The following SS18L1 variants were observed in gnomAD, a reference collection of about 807,000 sequenced individuals.
SS18L1 encodes SS18L1 subunit of BAF chromatin remodeling complex.
In SS18L1, 32 loss-of-function variants were observed where a neutral mutation model predicts 70.3. The observed-to-expected ratio is 0.46, with a 90% CI of 0.34 to 0.61. The LOEUF is 0.61. Among genes scored for constraint, SS18L1 ranks in the 20% least tolerant of loss-of-function variants. The pLI, the probability that SS18L1 is intolerant of heterozygous loss-of-function variation, is 0.01. For missense variants in SS18L1, 430 were observed against 542.1 expected (o/e 0.79, Z 2.05); for synonymous variants, 237 against 229.7 (o/e 1.03, Z -0.29).
intron 1 of SS18L1, among the ~76,000 whole-genome samples, chr20:62,148,792 C>T (rs1185506776): frequency 6.6e-6 from 1 of 152,256 alleles, no homozygotes; most frequent in Non-Finnish European, 1.5e-5. Flanking sequence ...GCTGGATGCT[C>T]CTGAAGCTGC....
At chr20:62,167,630 G>C (rs564060118) in intron 8 of SS18L1, among the ~76,000 whole-genome samples, 1 of 152,136 alleles carries the variant, frequency 6.6e-6, no homozygotes, top group Admixed American at 6.5e-5. Flanking sequence ...TGGTGCCTCC[G>C]TAAGCCCTGG....
At chr20:62,154,722 T>G (rs1420102324) in intron 1 of SS18L1, among the ~76,000 whole-genome samples, 1 of 152,222 alleles carries the variant, frequency 6.6e-6, no homozygotes, top group Non-Finnish European at 1.5e-5. Context: ...CCTGGTCTTT[T>G]TTGGCAAACT....
At position 62,158,616 on chromosome 20, in the gene SS18L1, C is replaced by T. The variant is rs6062094; in HGVS notation, c.70-56C>T. ...TAGATGTGTAGCGATGGCTGTTCAT[C>T]CCGAGGGTCAGCGACAGCCCCGCGT... On this transcript the variant is annotated intron_variant, in intron 1 of 10. Coordinates refer to ENST00000331758, the MANE Select transcript of SS18L1 (RefSeq NM_198935.3). The surrounding 1 kb of genome is among the most constrained non-coding windows in gnomAD (Gnocchi z 4.5). 108,772 of 1,593,342 alleles carry T rather than the reference C, an allele frequency of 0.068. 4,861 individuals carry two copies. Among genetic ancestry groups the T allele is most frequent in the South Asian group, 0.18 (16,101 of 89,884 alleles).
intron 3 of SS18L1, among the ~76,000 whole-genome samples, chr20:62,160,499 C>T (rs111356017): frequency 7.2e-5 from 11 of 152,132 alleles, no homozygotes; most frequent in African/African-American, 2.2e-4. Context: ...TGGGTGAGAA[C>T]GGAACTTAAA....
chr20:62,155,243 A>G (rs891082102), intron 1 of SS18L1, among the ~76,000 whole-genome samples: 22 of 152,174 alleles, frequency 1.4e-4, no homozygotes, highest in African/African-American at 5.3e-4. Flanking sequence ...TCTACCAACA[A>G]CAACAACAAA....
chr20:62,171,264 C>T (rs6062106), intron 8 of SS18L1, among the ~76,000 whole-genome samples: 23,904 of 152,066 alleles, frequency 0.16, 2,131 homozygotes, highest in South Asian at 0.25. Flanking sequence ...AATATGCAGG[C>T]TGACCCCCAA....
In SS18L1 at chr20:62,161,059, G is replaced by A. The variant is rs888126215; in HGVS notation, c.232-377G>A. Among the ~76,000 whole-genome samples the A allele has an allele frequency of 6.6e-6, 1 of 151,920 alleles. No homozygotes were observed. The highest frequency in any genetic ancestry group is 1.5e-5 in the Non-Finnish European group (1 of 67,986). On this transcript the variant is annotated intron_variant, in intron 3 of 10. Coordinates refer to ENST00000331758, the MANE Select transcript of SS18L1 (RefSeq NM_198935.3). The surrounding 1 kb of genome is among the most constrained non-coding windows in gnomAD (Gnocchi z 4.4). ...CTGCCGAAGCTCTTGGCACGGAGGG[G>A]TCGTGGTTGGGGAGCACAGAGGCGC...
rs1365124639 is a variant in SS18L1 at position 62,158,117 on chromosome 20, G to A, written c.70-555G>A. Among the ~76,000 whole-genome samples, 2 of 152,144 alleles carry A rather than the reference G, an allele frequency of 1.3e-5. No homozygotes were observed. The highest frequency in any genetic ancestry group is 2.9e-5 in the Non-Finnish European group (2 of 68,034). On this transcript the variant is annotated intron_variant, in intron 1 of 10. Coordinates refer to ENST00000331758, the MANE Select transcript of SS18L1 (RefSeq NM_198935.3). This position sits in a 1 kb window ranked among gnomAD's most constrained non-coding sequence, Gnocchi z 4.5. ...GGGGCACCAGGGCCTCTTGTGGGGTGCCCACAGGGTCCTGACATCCTTGCC... is the reference window on the plus strand; with the variant it reads ...GGGGCACCAGGGCCTCTTGTGGGGTACCCACAGGGTCCTGACATCCTTGCC...
intron 7 of SS18L1, 103 bp from the exon 8 acceptor site, chr20:62,165,319 C>T (rs2057407316): frequency 1.7e-6 from 2 of 1,173,874 alleles, no homozygotes; most frequent in East Asian, 2.6e-5. Flanking sequence ...CTTGTTGCCT[C>T]CCTGGCCAGA....
chr20:62,179,730 G>GGGGGCCCCCCC lies in SS18L1; in HGVS notation c.*522_*523insGGGGCCCCCCC. 1 of 96,714 alleles carries GGGGGCCCCCCC rather than the reference G, an allele frequency of 1.0e-5. No individual in the cohort carries two copies. Among genetic ancestry groups the GGGGGCCCCCCC allele is most frequent in the Non-Finnish European group, 2.0e-5 (1 of 48,824 alleles). 6.0% of individuals were successfully genotyped at this position (96,714 alleles called of 1,614,324 possible). ...GTGCCTCGATGGGGTGGGTGGGAGG[G>GGGGGCCCCCCC]CATCTTCTGTGCGTTGGGTCAGTTT... On this transcript the variant is annotated 3_prime_UTR_variant, in exon 11 of 11. Transcript: ENST00000331758.
chr20:62,168,276 G>C (rs2057470640), intron 8 of SS18L1, among the ~76,000 whole-genome samples: 1 of 152,148 alleles, frequency 6.6e-6, no homozygotes, highest in African/African-American at 2.4e-5. Context: ...CCATCTGTTT[G>C]TTAGACTCTG....
intron 1 of SS18L1, among the ~76,000 whole-genome samples, chr20:62,156,212 T>C (rs1243044120): frequency 6.6e-6 from 1 of 152,128 alleles, no homozygotes; most frequent in Admixed American, 6.5e-5. Flanking sequence ...CTAGTTCGTG[T>C]CCCTGGAGAC....
At position 62,162,803 on chromosome 20, in the gene SS18L1, C is replaced by T; in HGVS notation, c.428C>T (p.Thr143Ile). Residue 143 changes from threonine to isoleucine, a missense_variant, in exon 5 of 11, where the codon ACC becomes ATC. Coordinates refer to ENST00000331758, the MANE Select transcript of SS18L1 (RefSeq NM_198935.3). ...ACGGCGCCTAACACGCTGCCCACCA[C>T]CTCCATGAGCATCTCTGGGCCCGGC... ...QQTAPNTLPT[T>I]SMSISGPGYS... The T allele has an allele frequency of 6.2e-7, 1 of 1,612,880 alleles. No homozygotes were observed. Among genetic ancestry groups the T allele is most frequent in the Non-Finnish European group, 8.5e-7 (1 of 1,179,954 alleles).
At position 62,161,693 on chromosome 20, in the gene SS18L1, C is replaced by T. The variant is rs2057333379; in HGVS notation, c.376+113C>T. ...ACCCCTCACAGGGCTGGGCATGGGA[C>T]CCACTCCTCCTGGGGTAGCCACAGG... On this transcript the variant is annotated intron_variant, in intron 4 of 10. Coordinates refer to ENST00000331758, the MANE Select transcript of SS18L1 (RefSeq NM_198935.3). The surrounding 1 kb of genome is among the most constrained non-coding windows in gnomAD (Gnocchi z 4.4). 1 of 1,424,620 alleles carries T rather than the reference C, an allele frequency of 7.0e-7. No individual in the cohort carries two copies. The highest frequency in any genetic ancestry group is 1.4e-5 in the African/African-American group (1 of 69,774). The allele number at this position is 1,424,620 out of a possible 1,614,324, so 88.2% of individuals were successfully genotyped here. A position where few individuals can be genotyped will look rare whatever the true frequency, so the allele number is the denominator to read the frequency against.
In SS18L1 at chr20:62,181,882, AG is replaced by A; in HGVS notation, c.*2676del. 1 of 228,218 alleles carries A rather than the reference AG, an allele frequency of 4.4e-6. No homozygotes were observed. Among genetic ancestry groups the A allele is most frequent in the East Asian group, 6.3e-5 (1 of 15,868 alleles). The allele number at this position is 228,218 out of a possible 1,614,324, so 14.1% of individuals were successfully genotyped here. ...CTATGGAAGGCCAGTGAAGAAGCAA[AG>A]GAAGACATGAAAATTGACGCTCATT... On this transcript the variant is annotated 3_prime_UTR_variant, in exon 11 of 11. Transcript: ENST00000331758.
chr20:62,172,664 G>A lies in SS18L1; in HGVS notation c.917-18G>A, dbSNP rs768692292. The A allele has an allele frequency of 1.9e-6, 3 of 1,613,992 alleles. No homozygotes were observed. The Admixed American group carries it at 5.0e-5, about 27-fold the overall frequency. On this transcript the variant is annotated intron_variant, in intron 8 of 10. Transcript: ENST00000331758. ...CCCAGGTGGGGAAAGTCATTTCTGT[G>A]TCTCCTCCTCCCTCCAGGAAACTCC...
intron 1 of SS18L1, among the ~76,000 whole-genome samples, chr20:62,145,459 G>A (rs779706330): frequency 1.4e-4 from 21 of 152,346 alleles, no homozygotes; most frequent in Middle Eastern, 3.4e-3. Context: ...AGAGGCAAAT[G>A]TTGGAACCCA....
chr20:62,145,903 A>G (rs2057016102), intron 1 of SS18L1, among the ~76,000 whole-genome samples: 1 of 152,236 alleles, frequency 6.6e-6, no homozygotes, highest in African/African-American at 2.4e-5. Context: ...TGGTAGTGTC[A>G]TGCCGAGAGC....
chr20:62,153,426 G>C (rs1027878558), intron 1 of SS18L1, among the ~76,000 whole-genome samples: 4 of 152,110 alleles, frequency 2.6e-5, no homozygotes, highest in African/African-American at 7.2e-5. Flanking sequence ...GGCCACTTTG[G>C]AATGGGTTTA....
Sources: allele counts gnomAD v4.1 joint callset (sites outside exome capture counted in the v4.1 genomes callset), GRCh38; gene constraint gnomAD v4.1.1; non-coding constraint Gnocchi (gnomAD v3.1); transcripts MANE v1.5; gene names NCBI Gene and HGNC (gene_info 2026-07-23, HGNC 2026-07-21).